OR52A5: variants seen among roughly 807,000 people sequenced by gnomAD.
OR52A5 encodes olfactory receptor 52A5.
OR52A5 carries 16 observed loss-of-function variants against 18.2 expected under a neutral mutation model. The ratio of observed to expected loss-of-function variants is 0.88; its 90% CI spans 0.60 to 1.34. The LOEUF is 1.34. Ranked by LOEUF, OR52A5 falls within the 40% of genes most tolerant of loss-of-function variation. The pLI, the probability that OR52A5 is intolerant of heterozygous loss-of-function variation, is 0.00. For missense variants in OR52A5, 418 were observed against 383.0 expected (o/e 1.09, Z -0.76); for synonymous variants, 140 against 137.2 (o/e 1.02, Z -0.14).
In OR52A5 at chr11:5,131,157, A is replaced by G. The variant is rs1289303593; in HGVS notation, c.*535T>C. On this transcript the variant is annotated 3_prime_UTR_variant, in exon 2 of 2. Coordinates refer to ENST00000307388, the MANE Select transcript of OR52A5 (RefSeq NM_001005160.3). ...CTGTTTTCCTGATAAAGGGTAAATA[A>G]GATAGTTTCTGTACTCAAGATGCTT... The G allele has an allele frequency of 6.6e-6, 1 of 152,578 alleles. No individual in the cohort carries two copies. Among genetic ancestry groups the G allele is most frequent in the Non-Finnish European group, 1.5e-5 (1 of 68,328 alleles). 9.5% of individuals were successfully genotyped at this position (152,578 alleles called of 1,614,324 possible).
Position 5,132,207 on chromosome 11 carries a change from T to C in OR52A5, c.436A>G (p.Ile146Val), listed in dbSNP as rs975294402. 7.4e-6 allele frequency: 12 copies of C among 1,613,896 alleles called. No homozygotes were observed. The highest frequency in any genetic ancestry group is 1.0e-5 in the Non-Finnish European group (12 of 1,180,004). Residue 146 changes from isoleucine (I) to valine (V), a missense_variant, in exon 2 of 2, where the codon ATT becomes GTT. Physicochemically the swap from Ile to Val is conservative, Grantham distance 29. Transcript: ENST00000307388. ...GCCCTGAGTGTCACCCCAAGTCCAATATGAGTTAAGAACTGCTGGGAAAAG... is the reference window on the plus strand; with the variant it reads ...GCCCTGAGTGTCACCCCAAGTCCAACATGAGTTAAGAACTGCTGGGAAAAG... ...TIFSQQFLTH[I>V]GLGVTLRAAI...
intron 1 of OR52A5, among the ~76,000 whole-genome samples, chr11:5,133,177 G>A (rs1305408990): frequency 6.6e-6 from 1 of 151,778 alleles, no homozygotes; most frequent in Non-Finnish European, 1.5e-5. Flanking sequence ...AGACCATCCT[G>A]GCTAACACGG....
At position 5,129,637 on chromosome 11, in the gene OR52A5, C is replaced by T. The variant is rs1029442351; in HGVS notation, c.*2055G>A. 1 of 152,078 alleles carries T rather than the reference C, an allele frequency of 6.6e-6. No homozygotes were observed. The highest frequency in any genetic ancestry group is 1.5e-5 in the Non-Finnish European group (1 of 68,026). 9.4% of individuals were successfully genotyped at this position (152,078 alleles called of 1,614,324 possible). A position where few individuals can be genotyped will look rare whatever the true frequency, so the allele number is the denominator to read the frequency against. Reference sequence around the variant, plus strand: ...CTCAATTGAAGAGCAATGGAGCAGACTCTCAGAAACTACGTGTACAACCTC... The same window carrying T: ...CTCAATTGAAGAGCAATGGAGCAGATTCTCAGAAACTACGTGTACAACCTC... On this transcript the variant is annotated 3_prime_UTR_variant, in exon 2 of 2. Coordinates refer to ENST00000307388, the MANE Select transcript of OR52A5 (RefSeq NM_001005160.3).
Position 5,131,305 on chromosome 11 carries a change from C to A in OR52A5, c.*387G>T. On this transcript the variant is annotated 3_prime_UTR_variant, in exon 2 of 2. Transcript: ENST00000307388. ...TCTAGAAGGATATTTGATATGTAAG[C>A]CCAGATCACTGATTTTATTTTCCTG... is the stretch of plus-strand genomic sequence containing the variant. The A allele has an allele frequency of 6.2e-6, 1 of 161,340 alleles. No individual in the cohort carries two copies. Among genetic ancestry groups the A allele is most frequent in the Non-Finnish European group, 1.4e-5 (1 of 72,932 alleles). The allele number at this position is 161,340 out of a possible 1,614,324, so 10.0% of individuals were successfully genotyped here. A position where few individuals can be genotyped will look rare whatever the true frequency, so the allele number is the denominator to read the frequency against.
Position 5,132,311 on chromosome 11 carries a change from G to A in OR52A5, c.332C>T (p.Ala111Val), listed in dbSNP as rs1219208170. 5.6e-6 allele frequency: 9 copies of A among 1,614,156 alleles called. No homozygotes were observed. The highest frequency in any genetic ancestry group is 1.7e-5 in the Admixed American group (1 of 60,018). Residue 111 changes from alanine to valine, a missense_variant, in exon 2 of 2, where the codon GCA becomes GTA. Ala to Val is a moderately conservative substitution (Grantham distance 64). Transcript: ENST00000307388. ...FQMWLIHSFQAIESGILLAMA... is the reference protein window; with the variant it reads ...FQMWLIHSFQVIESGILLAMA... The stretch of plus-strand genomic sequence containing the variant: ...TGCCAGAAGGATACCCGATTCAATT[G>A]CCTGGAATGAGTGAATAAGCCACAT...
At chr11:5,133,016 T>C (rs1047431730) in intron 1 of OR52A5, among the ~76,000 whole-genome samples, 5 of 150,868 alleles carry the variant, frequency 3.3e-5, no homozygotes, top group Non-Finnish European at 7.4e-5. Flanking sequence ...AAAAAAAAAA[T>C]ATTATTTAAT....
rs777292969 is a variant in OR52A5 at position 5,130,649 on chromosome 11, CATT to C, written c.*1040_*1042del. 2.0e-5 allele frequency: 3 copies of C among 152,014 alleles called. No individual in the cohort carries two copies. The highest frequency in any genetic ancestry group is 2.1e-4 in the South Asian group (1 of 4,824). 9.4% of individuals were successfully genotyped at this position (152,014 alleles called of 1,614,324 possible). On this transcript the variant is annotated 3_prime_UTR_variant, in exon 2 of 2. Coordinates refer to ENST00000307388, the MANE Select transcript of OR52A5 (RefSeq NM_001005160.3). ...AAATTATGACTCAAAGTCATTTCTA[CATT>C]ATTGACAAGATTTTTCCCCAAAATT...
chr11:5,132,898 A>T (rs1225267119), intron 1 of OR52A5, among the ~76,000 whole-genome samples, 196 bp from the exon 2 acceptor site: 1 of 152,232 alleles, frequency 6.6e-6, no homozygotes, highest in Non-Finnish European at 1.5e-5. Context: ...GGGCAAAATT[A>T]AATGGATTAG....
chr11:5,131,874 G>C lies in OR52A5; in HGVS notation c.769C>G (p.Leu257Val), dbSNP rs1846340539. Residue 257 changes from leucine (L) to valine (V), a missense_variant, in exon 2 of 2, where the codon CTT becomes GTT. By Grantham distance (32) the Leu-to-Val change is conservative (BLOSUM62 1). Transcript: ENST00000307388. Reference protein sequence around the residue: ...HICVFLQFYLLAFFSFFTHRF... With the variant: ...HICVFLQFYLVAFFSFFTHRF... ...TGTGTGAAGAAAGAGAAGAAGGCAA[G>C]AAGGTAGAACTGTAGGAAGACACAA... 6.2e-7 allele frequency: 1 copy of C among 1,614,084 alleles called. No homozygotes were observed. Among genetic ancestry groups the C allele is most frequent in the African/African-American group, 1.3e-5 (1 of 74,936 alleles).
At chr11:5,137,513 TCTC>T (rs1237980457) in intron 1 of OR52A5, among the ~76,000 whole-genome samples, 30 of 150,462 alleles carry the variant, frequency 2.0e-4, no homozygotes, top group Non-Finnish European at 3.8e-4. Flanking sequence ...TCTCCCTCTC[TCTC>T]TTTTTTTTTT....
At chr11:5,133,363 CAAAAAA>C (rs745895019) in intron 1 of OR52A5, among the ~76,000 whole-genome samples, 2 of 62,406 alleles carry the variant, frequency 3.2e-5, no homozygotes, top group Non-Finnish European at 5.9e-5. Flanking sequence ...GCGAGACTGT[CAAAAAA>C]AAAAAAAAAA....
chr11:5,134,792 TA>T (rs1158672613), intron 1 of OR52A5, among the ~76,000 whole-genome samples: 1 of 152,020 alleles, frequency 6.6e-6, no homozygotes, highest in Non-Finnish European at 1.5e-5. Context: ...TTGTTATAAG[TA>T]AATACACTTG....
rs1311686431 is a variant in OR52A5 at position 5,131,737 on chromosome 11, A to T, written c.906T>A (p.Ile302=). Residue 302 remains isoleucine, a synonymous_variant, in exon 2 of 2, where the codon ATT becomes ATA. Transcript: ENST00000307388. ...AAAACACTTTCACAATATGGTCACG[A>T]ATTTGCTTGGTCTTCACTCCATAGA... ...PIVYGVKTKQ[I]RDHIVKVFFF... The T allele has an allele frequency of 6.2e-7, 1 of 1,613,908 alleles. No individual in the cohort carries two copies. Among genetic ancestry groups the T allele is most frequent in the African/African-American group, 1.3e-5 (1 of 75,032 alleles).
chr11:5,132,049 GT>G lies in OR52A5; in HGVS notation c.593del (p.Asn198ThrfsTer13). 6.2e-7 allele frequency: 1 copy of G among 1,614,176 alleles called. No individual in the cohort carries two copies. Among genetic ancestry groups the G allele is most frequent in the Non-Finnish European group, 8.5e-7 (1 of 1,180,014 alleles). ...VKLATEDIRV[N>X]KIYGLFVAFA... ...AGGCAACAAATAGGCCATATATCTT[GT>G]TGACTCGGATATCTTCAGTAGCCAG... On this transcript the variant is annotated frameshift_variant, in exon 2 of 2. Transcript: ENST00000307388. LOFTEE classifies it high-confidence loss of function.
intron 1 of OR52A5, among the ~76,000 whole-genome samples, chr11:5,134,413 C>T (rs1280038154): frequency 6.6e-6 from 1 of 152,060 alleles, no homozygotes; most frequent in Non-Finnish European, 1.5e-5. Flanking sequence ...CTATCTCCAG[C>T]AATTACAGAA....
In OR52A5 at chr11:5,131,410, G is replaced by C. The variant is rs1483257947; in HGVS notation, c.*282C>G. 1 of 215,284 alleles carries C rather than the reference G, an allele frequency of 4.6e-6. No individual in the cohort carries two copies. The highest frequency in any genetic ancestry group is 9.4e-6 in the Non-Finnish European group (1 of 106,512). The allele number at this position is 215,284 out of a possible 1,614,324, so 13.3% of individuals were successfully genotyped here. ...CTGTGTAAATTCCTTAGTGTTTATA[G>C]TCATTGGTTGCATTACATAAGTTTT... On this transcript the variant is annotated 3_prime_UTR_variant, in exon 2 of 2. Coordinates refer to ENST00000307388, the MANE Select transcript of OR52A5 (RefSeq NM_001005160.3).
rs1457905445 is a variant in OR52A5 at position 5,130,126 on chromosome 11, T to A, written c.*1566A>T. ...GGATATGTAATGTGTTTTTTTCTGA[T>A]AGACCTATGTTGAAATTTTTATTTT... On this transcript the variant is annotated 3_prime_UTR_variant, in exon 2 of 2. Transcript: ENST00000307388. 1.3e-5 allele frequency: 2 copies of A among 152,148 alleles called. No homozygotes were observed. The highest frequency in any genetic ancestry group is 4.8e-5 in the African/African-American group (2 of 41,448). The allele number at this position is 152,148 out of a possible 1,614,324, so 9.4% of individuals were successfully genotyped here. A position where few individuals can be genotyped will look rare whatever the true frequency, so the allele number is the denominator to read the frequency against.
In OR52A5 at chr11:5,130,709, T is replaced by A. The variant is rs931323154; in HGVS notation, c.*983A>T. On this transcript the variant is annotated 3_prime_UTR_variant, in exon 2 of 2. Transcript: ENST00000307388. ...ATCTATGTCTGCCTCTTGAATGATA[T>A]GATTTTTTACATCAGAACGTTTTAC... is the stretch of plus-strand genomic sequence containing the variant. 2 of 152,112 alleles carry A rather than the reference T, an allele frequency of 1.3e-5. No individual in the cohort carries two copies. The highest frequency in any genetic ancestry group is 4.8e-5 in the African/African-American group (2 of 41,438). 9.4% of individuals were successfully genotyped at this position (152,112 alleles called of 1,614,324 possible).
At position 5,132,581 on chromosome 11, in the gene OR52A5, C is replaced by G; in HGVS notation, c.62G>C (p.Gly21Ala). The change falls in exon 2 of 2, where the codon GGT becomes GCT. Residue 21 changes from glycine (G) to alanine (A), a missense_variant. By Grantham distance (60) the Gly-to-Ala change is moderately conservative. Coordinates refer to ENST00000307388, the MANE Select transcript of OR52A5 (RefSeq NM_001005160.3). ...AATCCAACACTGCACTGACTCCAGA[C>G]CAGGAATCCCAATTAGTATAAACGC... ...PSAFILIGIP[G>A]LESVQCWIGI... The G allele has an allele frequency of 6.2e-7, 1 of 1,613,716 alleles. No homozygotes were observed. The highest frequency in any genetic ancestry group is 1.7e-5 in the Admixed American group (1 of 59,940).
Sources: gnomAD v4.1 joint callset for allele counts (sites outside exome capture counted in the v4.1 genomes callset) on GRCh38, gnomAD v4.1.1 for gene constraint, MANE v1.5 for transcripts, NCBI Gene and HGNC (gene_info 2026-07-23, HGNC 2026-07-21) for gene names.